The following SEZ6L variants were observed in gnomAD, a reference collection of about 807,000 sequenced individuals.
SEZ6L encodes the protein seizure related 6 homolog like.
In SEZ6L, 37 loss-of-function variants were observed where a neutral mutation model predicts 106.2. That is an observed-to-expected ratio of 0.35 (90% CI 0.27 to 0.46). The LOEUF (loss-of-function observed/expected upper bound fraction) is 0.46, where lower values mean the gene tolerates loss of function less well. SEZ6L is among the 20% of genes least tolerant of loss of function. The probability of loss-of-function intolerance (pLI) is 1.00; values close to 1 mark genes in which losing one functional copy is unlikely to be tolerated. For synonymous variants in SEZ6L, 541 were observed against 570.4 expected, an observed-to-expected ratio of 0.95 and a Z score of 0.73; for missense variants, 1,172 against 1,332.8, an observed-to-expected ratio of 0.88 and a Z score of 1.88.
intron 1 of SEZ6L, among the ~76,000 whole-genome samples, chr22:26,239,831 A>G (rs1209382): frequency 0.8 from 122,026 of 151,822 alleles, 49,420 homozygotes; most frequent in East Asian, 0.99. Context: ...CTGTTGCTGC[A>G]TGCAGGCCCA....
intron 1 of SEZ6L, among the ~76,000 whole-genome samples, chr22:26,196,865 T>C (rs1018793116): frequency 7.2e-5 from 11 of 152,162 alleles, no homozygotes; most frequent in Admixed American, 3.3e-4. Flanking sequence ...GGTTACTGCT[T>C]GAGTGACTGG....
Position 26,376,244 on chromosome 22 carries a change from G to A in SEZ6L, c.2942+555G>A, listed in dbSNP as rs73415349. ...AGAAGGAAATATTTGCCCTCCTGGG[G>A]TTCAGGTTCTAACAAGGAAAGATAG... On this transcript the variant is annotated intron_variant, in intron 15 of 16. Coordinates refer to ENST00000248933, the MANE Select transcript of SEZ6L (RefSeq NM_021115.5). 5.1e-3 allele frequency among the ~76,000 whole-genome samples: 781 copies of A among 152,280 alleles called. 7 individuals are homozygous for A. The highest frequency in any genetic ancestry group is 0.017 in the African/African-American group (704 of 41,552).
intron 1 of SEZ6L, among the ~76,000 whole-genome samples, chr22:26,229,620 G>A (rs1450962105): frequency 1.3e-5 from 2 of 152,128 alleles, no homozygotes; most frequent in East Asian, 3.9e-4. Flanking sequence ...TGTAGCCTGA[G>A]GTCCTTAATA....
intron 1 of SEZ6L, among the ~76,000 whole-genome samples, chr22:26,291,601 A>T (rs79777845): frequency 0.068 from 10,363 of 152,134 alleles, 485 homozygotes; most frequent in African/African-American, 0.13. Flanking sequence ...ACTTAAAATT[A>T]AAATTTAAAT....
At chr22:26,201,765 T>C (rs1940975720) in intron 1 of SEZ6L, among the ~76,000 whole-genome samples, 1 of 152,076 alleles carries the variant, frequency 6.6e-6, no homozygotes, top group Non-Finnish European at 1.5e-5. Context: ...CCAGGGTAGT[T>C]GAAGTTGGTC....
At chr22:26,297,810 A>C (rs2081343873) in intron 4 of SEZ6L, among the ~76,000 whole-genome samples, 5 of 133,036 alleles carry the variant, frequency 3.8e-5, no homozygotes, top group Admixed American at 7.9e-5. Flanking sequence ...CTTCCTTTCC[A>C]CCCTCTATTT....
At chr22:26,289,473 A>G (rs1001086733) in intron 1 of SEZ6L, among the ~76,000 whole-genome samples, 5 of 152,192 alleles carry the variant, frequency 3.3e-5, no homozygotes, top group African/African-American at 1.2e-4. Context: ...CACTCAGCTC[A>G]TAACTGTAAC....
intron 1 of SEZ6L, among the ~76,000 whole-genome samples, chr22:26,256,959 A>G (rs2079842005): frequency 6.6e-6 from 1 of 151,942 alleles, no homozygotes; most frequent in Non-Finnish European, 1.5e-5. Flanking sequence ...TAGACTCCTG[A>G]GCATGATCAT....
intron 14 of SEZ6L, 90 bp from the exon 15 acceptor site, chr22:26,375,485 G>A (rs917972972): frequency 6.2e-5 from 62 of 1,005,140 alleles, no homozygotes; most frequent in South Asian, 5.2e-4. Context: ...TTGGAAAGCC[G>A]TCTCCAAAGG....
chr22:26,349,604 A>C, intron 11 of SEZ6L, among the ~76,000 whole-genome samples: 1 of 152,264 alleles, frequency 6.6e-6, no homozygotes, highest in South Asian at 2.1e-4. Context: ...GGGCTCAAGC[A>C]GTCCTCCCAC....
intron 1 of SEZ6L, among the ~76,000 whole-genome samples, chr22:26,233,556 G>A (rs1309688265): frequency 6.6e-6 from 1 of 152,198 alleles, no homozygotes; most frequent in Non-Finnish European, 1.5e-5. Flanking sequence ...GCTCGAAGTC[G>A]AGCATGCGGA....
intron 6 of SEZ6L, among the ~76,000 whole-genome samples, 166 bp downstream of exon 6, chr22:26,306,310 T>A (rs1217622698): frequency 6.6e-6 from 1 of 152,186 alleles, no homozygotes; most frequent in African/African-American, 2.4e-5. Context: ...CTTCAATCTC[T>A]TCCTTTTACA....
chr22:26,190,435 G>T (rs1288778799), intron 1 of SEZ6L, among the ~76,000 whole-genome samples: 4 of 152,124 alleles, frequency 2.6e-5, no homozygotes, highest in Non-Finnish European at 4.4e-5. Context: ...GTACTAAAAG[G>T]CAGGATGATG....
intron 1 of SEZ6L, among the ~76,000 whole-genome samples, chr22:26,276,047 T>C (rs1051690219): frequency 6.6e-6 from 1 of 152,326 alleles, no homozygotes; most frequent in African/African-American, 2.4e-5. Context: ...ACTTACCAGC[T>C]GTGACACCTC....
chr22:26,357,721 G>A (rs5997071), intron 12 of SEZ6L, among the ~76,000 whole-genome samples: 11,615 of 152,194 alleles, frequency 0.076, 1,564 homozygotes, highest in African/African-American at 0.27. Context: ...CAGGAGGCTC[G>A]ACAAATGATG....
rs755854118 is a variant in SEZ6L, at chr22:26,375,725, C to G, written c.2942+36C>G. Reference sequence around the variant, plus strand: ...GATGGGGGAGATGACTGCCAAGCACCCAGCCACCAGTACTCAGAGGGACTG... The same window carrying G: ...GATGGGGGAGATGACTGCCAAGCACGCAGCCACCAGTACTCAGAGGGACTG... On this transcript the variant is annotated intron_variant, in intron 15 of 16. Coordinates refer to ENST00000248933, the MANE Select transcript of SEZ6L (RefSeq NM_021115.5). The G allele has an allele frequency of 3.3e-6, 5 of 1,514,522 alleles. No homozygotes were observed. In the Admixed American group the frequency reaches 6.9e-5, roughly 21 times the overall value. The allele number at this position is 1,514,522 out of a possible 1,614,324, so 93.8% of individuals were successfully genotyped here. A position where few individuals can be genotyped will look rare whatever the true frequency, so the allele number is the denominator to read the frequency against.
chr22:26,287,476 T>A (rs527666721), intron 1 of SEZ6L, among the ~76,000 whole-genome samples: 14 of 152,192 alleles, frequency 9.2e-5, no homozygotes, highest in Non-Finnish European at 1.8e-4. Flanking sequence ...ACTATCATGA[T>A]AGAAAATTTT....
Position 26,382,818 on chromosome 22 carries a change from C to G in SEZ6L, c.*2523C>G, listed in dbSNP as rs1294345184. Reference sequence around the variant, plus strand: ...TGTTTTTATAAGATCAATATTAAAACCCATTGGGATTAAATATTTTTGAAT... The same window carrying G: ...TGTTTTTATAAGATCAATATTAAAAGCCATTGGGATTAAATATTTTTGAAT... On this transcript the variant is annotated 3_prime_UTR_variant, in exon 17 of 17. Transcript: ENST00000248933. 7 of 152,066 alleles carry G rather than the reference C, an allele frequency of 4.6e-5. No individual in the cohort carries two copies. Among genetic ancestry groups the G allele is most frequent in the African/African-American group, 1.7e-4 (7 of 41,408 alleles). 9.4% of individuals were successfully genotyped at this position (152,066 alleles called of 1,614,324 possible). A position where few individuals can be genotyped will look rare whatever the true frequency, so the allele number is the denominator to read the frequency against.
intron 2 of SEZ6L, among the ~76,000 whole-genome samples, 190 bp from the exon 3 acceptor site, chr22:26,294,102 T>C (rs1250167640): frequency 6.6e-6 from 1 of 152,222 alleles, no homozygotes; most frequent in Admixed American, 6.5e-5. Flanking sequence ...ATATAGTAAG[T>C]GATCATTCTG....
Sources: allele counts gnomAD v4.1 joint callset (sites outside exome capture counted in the v4.1 genomes callset), GRCh38; gene constraint gnomAD v4.1.1; transcripts MANE v1.5; gene names NCBI Gene and HGNC (gene_info 2026-07-23, HGNC 2026-07-21).